VAX1: variants seen among roughly 807,000 people sequenced by gnomAD.
The protein encoded by VAX1 is ventral anterior homeobox 1.
In VAX1, 6 loss-of-function variants were observed where a neutral mutation model predicts 17.6. The ratio of observed to expected loss-of-function variants is 0.34; its 90% CI spans 0.19 to 0.67. The LOEUF is 0.67. Among genes scored for constraint, VAX1 ranks in the 30% least tolerant of loss-of-function variants. VAX1 has a pLI of 0.69. For synonymous variants in VAX1, 256 were observed against 227.4 expected, an observed-to-expected ratio of 1.13 and a Z score of -1.13; for missense variants, 408 against 463.7, an observed-to-expected ratio of 0.88 and a Z score of 1.10.
rs754493198 is a variant in VAX1, at chr10:117,134,449, C to A, written c.564G>T (p.Leu188Phe). 1 of 1,510,502 alleles carries A rather than the reference C, an allele frequency of 6.6e-7. No individual in the cohort carries two copies. The highest frequency in any genetic ancestry group is 1.2e-5 in the South Asian group (1 of 81,848). 93.6% of individuals were successfully genotyped at this position (1,510,502 alleles called of 1,614,324 possible). The stretch of plus-strand genomic sequence containing the variant: ...GCAGCGCAGGCAGGCCGGGCGGCGA[C>A]AACAGGCGGCCCTGCTCCAGCAGCC... ...VLRLLEQGRLLSPPGLPALLP... is the reference protein window; with the variant it reads ...VLRLLEQGRLFSPPGLPALLP... Residue 188 changes from leucine to phenylalanine, a missense_variant, in exon 3 of 3, where the codon TTG becomes TTT. Leu to Phe is a conservative substitution (Grantham distance 22). Coordinates refer to ENST00000369206, the MANE Select transcript of VAX1 (RefSeq NM_001112704.2). The surrounding 1 kb of genome is among the most constrained non-coding windows in gnomAD (Gnocchi z 6.2).
rs751232 is a variant in VAX1, at chr10:117,137,100, G to T, written c.242-441C>A. On this transcript the variant is annotated intron_variant, in intron 1 of 2. Transcript: ENST00000369206. This position sits in a 1 kb window ranked among gnomAD's most constrained non-coding sequence, Gnocchi z 7.4. ...CCCACCCTCGAGTCTCCTTCCCTCCGGAGTCCGCGCGGCGGAAGGAGGAGG... is the reference window on the plus strand; with the variant it reads ...CCCACCCTCGAGTCTCCTTCCCTCCTGAGTCCGCGCGGCGGAAGGAGGAGG... Among the ~76,000 whole-genome samples the T allele has an allele frequency of 6.8e-6, 1 of 146,356 alleles. No homozygotes were observed. Among genetic ancestry groups the T allele is most frequent in the South Asian group, 2.2e-4 (1 of 4,490 alleles).
Position 117,136,651 on chromosome 10 carries a change from C to T in VAX1, c.250G>A (p.Gly84Arg). 6.2e-7 allele frequency: 1 copy of T among 1,603,626 alleles called. No individual in the cohort carries two copies. Among genetic ancestry groups the T allele is most frequent in the Non-Finnish European group, 8.5e-7 (1 of 1,171,968 alleles). ...GGCAGGATGATCTCTCGGATGGACC[C>T]CTTGGCATCTGGGGAAGGGGAGATG... ...CRRILVRDAK[G>R]SIREIILPKG... Residue 84 changes from glycine (G) to arginine (R), a missense_variant, in exon 2 of 3, where the codon GGG (glycine) becomes AGG (arginine). Transcript: ENST00000369206. The surrounding 1 kb of genome is among the most constrained non-coding windows in gnomAD (Gnocchi z 5.0).
At chr10:117,133,026 C>A (rs1292567567), downstream of VAX1, among the ~76,000 whole-genome samples, 2 of 152,234 alleles carry the variant, frequency 1.3e-5, no homozygotes, top group African/African-American at 4.8e-5. Flanking sequence ...CGCAGGCTAC[C>A]GCCGGCAGCC....
chr10:117,138,244 C>A lies in VAX1; in HGVS notation c.-188G>T. The A allele has an allele frequency of 1.4e-6, 1 of 732,838 alleles. No homozygotes were observed. Among genetic ancestry groups the A allele is most frequent in the Non-Finnish European group, 2.2e-6 (1 of 459,788 alleles). The allele number at this position is 732,838 out of a possible 1,614,324, so 45.4% of individuals were successfully genotyped here. On this transcript the variant is annotated 5_prime_UTR_variant, in exon 1 of 3. Coordinates refer to ENST00000369206, the MANE Select transcript of VAX1 (RefSeq NM_001112704.2). ...CCCCGCGGGGAGGCTTCGGCGGCCGCGCGCGGGTCAGCGGCGACGGGAGAG... is the reference window on the plus strand; with the variant it reads ...CCCCGCGGGGAGGCTTCGGCGGCCGAGCGCGGGTCAGCGGCGACGGGAGAG...
rs943944711 is a variant in VAX1, at chr10:117,137,310, G to A, written c.241+506C>T. Among the ~76,000 whole-genome samples the A allele has an allele frequency of 5.9e-5, 9 of 152,168 alleles. No homozygotes were observed. Among genetic ancestry groups the A allele is most frequent in the Middle Eastern group, 3.4e-3 (1 of 292 alleles). ...CCAAGCCCAGCTGCCTCTCCCGGCGGCAGCGGTCGGGCACCGATCGCGGCC... is the reference window on the plus strand; with the variant it reads ...CCAAGCCCAGCTGCCTCTCCCGGCGACAGCGGTCGGGCACCGATCGCGGCC... On this transcript the variant is annotated intron_variant, in intron 1 of 2. Coordinates refer to ENST00000369206, the MANE Select transcript of VAX1 (RefSeq NM_001112704.2). This position sits in a 1 kb window ranked among gnomAD's most constrained non-coding sequence, Gnocchi z 7.4.
Position 117,137,766 on chromosome 10 carries a change from C to A in VAX1, c.241+50G>T. The A allele has an allele frequency of 6.2e-7, 1 of 1,606,922 alleles. No homozygotes were observed. The highest frequency in any genetic ancestry group is 8.5e-7 in the Non-Finnish European group (1 of 1,179,466). On this transcript the variant is annotated intron_variant, in intron 1 of 2. Coordinates refer to ENST00000369206, the MANE Select transcript of VAX1 (RefSeq NM_001112704.2). This position sits in a 1 kb window ranked among gnomAD's most constrained non-coding sequence, Gnocchi z 7.4. ...TGTCGGCGGCAGCGCGCAGCTCCGG[C>A]CCCGGAGTCGACCCCAAAGAACGCG...
rs1589945782 is a variant in VAX1, at chr10:117,133,588, A to G, written c.*420T>C. 2 of 987,822 alleles carry G rather than the reference A, an allele frequency of 2.0e-6. No homozygotes were observed. Among genetic ancestry groups the G allele is most frequent in the Middle Eastern group, 5.2e-4 (1 of 1,928 alleles). 61.2% of individuals were successfully genotyped at this position (987,822 alleles called of 1,614,324 possible). ...CTGGAAGCCCCTGGGGTCTGCGCGC[A>G]GTTTTCCTCTTTCAAATATTCCTAG... is the stretch of plus-strand genomic sequence containing the variant. On this transcript the variant is annotated 3_prime_UTR_variant, in exon 3 of 3. Coordinates refer to ENST00000369206, the MANE Select transcript of VAX1 (RefSeq NM_001112704.2).
At chr10:117,132,499 A>G (rs757063693), downstream of VAX1, 1 of 1,590,450 alleles carries the variant, frequency 6.3e-7, no homozygotes, top group Non-Finnish European at 8.5e-7. This position sits in a 1 kb window ranked among gnomAD's most constrained non-coding sequence, Gnocchi z 4.9. Context: ...AAAAAGATGA[A>G]AAAGAGGGGG....
chr10:117,137,969 G>T lies in VAX1; in HGVS notation c.88C>A (p.Arg30=), dbSNP rs765641390. 5.0e-6 allele frequency: 8 copies of T among 1,613,764 alleles called. No individual in the cohort carries two copies. The highest frequency in any genetic ancestry group is 6.8e-6 in the Non-Finnish European group (8 of 1,179,968). Residue 30 remains arginine (R), a synonymous_variant, in exon 1 of 3, where the codon CGG becomes AGG. Transcript: ENST00000369206. The surrounding 1 kb of genome is among the most constrained non-coding windows in gnomAD (Gnocchi z 7.4). The part of the protein sequence containing the change: ...RVSKNAHKES[R]ESKGAEGNLP... The stretch of plus-strand genomic sequence containing the variant: ...TTCCCCTCCGCGCCCTTGCTCTCCC[G>T]ACTCTCCTTGTGCGCGTTCTTCGAG...
rs1464198347 is a variant in VAX1, at chr10:117,136,116, G to T, written c.429+356C>A. ...GGGCCTAGAAATCTAGCCAAAATGGGGTACCCCAAACAAGGGCAAAAGTCA... is the reference window on the plus strand; with the variant it reads ...GGGCCTAGAAATCTAGCCAAAATGGTGTACCCCAAACAAGGGCAAAAGTCA... On this transcript the variant is annotated intron_variant, in intron 2 of 2. Transcript: ENST00000369206. This position sits in a 1 kb window ranked among gnomAD's most constrained non-coding sequence, Gnocchi z 5.0. 6.6e-6 allele frequency among the ~76,000 whole-genome samples: 1 copy of T among 152,254 alleles called. No homozygotes were observed.
At position 117,134,391 on chromosome 10, in the gene VAX1, C is replaced by A. The variant is rs1337775304; in HGVS notation, c.622G>T (p.Ala208Ser). The stretch of plus-strand genomic sequence containing the variant: ...GCCGGCAAGCTGGGCCCGCGCAGCG[C>A]TGAGCCGAGAGCGCCCGTGGCGCAA... ...PPCATGALGSALRGPSLPALG... is the reference protein window; with the variant it reads ...PPCATGALGSSLRGPSLPALG... Residue 208 changes from alanine to serine, a missense_variant, in exon 3 of 3, where the codon GCG becomes TCG. Physicochemically the swap from Ala to Ser is moderately conservative, Grantham distance 99. Transcript: ENST00000369206. This position sits in a 1 kb window ranked among gnomAD's most constrained non-coding sequence, Gnocchi z 6.2. The A allele has an allele frequency of 6.9e-7, 1 of 1,447,046 alleles. No individual in the cohort carries two copies. Among genetic ancestry groups the A allele is most frequent in the South Asian group, 1.4e-5 (1 of 73,340 alleles). The allele number at this position is 1,447,046 out of a possible 1,614,324, so 89.6% of individuals were successfully genotyped here.
At chr10:117,130,782 G>A (rs1010838463), downstream of VAX1, 1 of 152,392 alleles carries the variant, frequency 6.6e-6, no homozygotes, top group Admixed American at 6.5e-5. Flanking sequence ...CACTCCCTGA[G>A]TGGCAGGCAA....
rs533247875 is a variant in VAX1 at position 117,133,914 on chromosome 10, C to A, written c.*94G>T. The A allele has an allele frequency of 7.0e-7, 1 of 1,424,012 alleles. No homozygotes were observed. Among genetic ancestry groups the A allele is most frequent in the Non-Finnish European group, 9.1e-7 (1 of 1,095,762 alleles). The allele number at this position is 1,424,012 out of a possible 1,614,324, so 88.2% of individuals were successfully genotyped here. Reference sequence around the variant, plus strand: ...TCAGAGGCCTGGTGGGAGCCAGGAGCCCAGCGCAGGAGCTCTGGGCACCTA... The same window carrying A: ...TCAGAGGCCTGGTGGGAGCCAGGAGACCAGCGCAGGAGCTCTGGGCACCTA... On this transcript the variant is annotated 3_prime_UTR_variant, in exon 3 of 3. Transcript: ENST00000369206.
downstream of VAX1, chr10:117,132,527 T>C: frequency 6.4e-7 from 1 of 1,568,458 alleles, no homozygotes; most frequent in Non-Finnish European, 8.6e-7. This position sits in a 1 kb window ranked among gnomAD's most constrained non-coding sequence, Gnocchi z 4.9. Context: ...CCGACGTAAA[T>C]AATTTACAAT....
At position 117,133,784 on chromosome 10, in the gene VAX1, G is replaced by A; in HGVS notation, c.*224C>T. On this transcript the variant is annotated 3_prime_UTR_variant, in exon 3 of 3. Coordinates refer to ENST00000369206, the MANE Select transcript of VAX1 (RefSeq NM_001112704.2). ...CTTTGGATCGCTCCTGGATTCAGAA[G>A]GAAGTTGGGGGTTGGGGAGGAATCT... 2 of 1,308,916 alleles carry A rather than the reference G, an allele frequency of 1.5e-6. No homozygotes were observed. The highest frequency in any genetic ancestry group is 2.1e-5 in the South Asian group (1 of 47,608). 81.1% of individuals were successfully genotyped at this position (1,308,916 alleles called of 1,614,324 possible). A position where few individuals can be genotyped will look rare whatever the true frequency, so the allele number is the denominator to read the frequency against.
In VAX1 at chr10:117,137,905, A is replaced by C. The variant is rs1854213936; in HGVS notation, c.152T>G (p.Phe51Cys). Residue 51 changes from phenylalanine to cysteine, a missense_variant, in exon 1 of 3, where the codon TTC becomes TGC. Coordinates refer to ENST00000369206, the MANE Select transcript of VAX1 (RefSeq NM_001112704.2). This position sits in a 1 kb window ranked among gnomAD's most constrained non-coding sequence, Gnocchi z 7.4. ...AAFLKEPQGA[F>C]SASGAAEDCN... ...ATCCTCAGCAGCGCCCGACGCTGAG[A>C]AGGCGCCCTGCGGCTCCTTGAGGAA... The C allele has an allele frequency of 1.2e-6, 2 of 1,613,856 alleles. No homozygotes were observed. Among genetic ancestry groups the C allele is most frequent in the Middle Eastern group, 1.7e-4 (1 of 6,060 alleles).
rs1854121065 is a variant in VAX1, at chr10:117,133,618, A to C, written c.*390T>G. On this transcript the variant is annotated 3_prime_UTR_variant, in exon 3 of 3. Transcript: ENST00000369206. ...TCCTCTTTCAAATATTCCTAGGAAT[A>C]GTCGGCAGCGGCAGCAGCCGCAGCA... 1.0e-6 allele frequency: 1 copy of C among 992,228 alleles called. No homozygotes were observed. Among genetic ancestry groups the C allele is most frequent in the Middle Eastern group, 5.1e-4 (1 of 1,946 alleles). The allele number at this position is 992,228 out of a possible 1,614,324, so 61.5% of individuals were successfully genotyped here.
In VAX1 at chr10:117,137,665, C is replaced by G; in HGVS notation, c.241+151G>C. The stretch of plus-strand genomic sequence containing the variant: ...GCACCGGAGAGTCCCAGGCGCTTGT[C>G]CCCAGCCGGACTCGGGGCGGGGAGG... On this transcript the variant is annotated intron_variant, in intron 1 of 2. Transcript: ENST00000369206. The surrounding 1 kb of genome is among the most constrained non-coding windows in gnomAD (Gnocchi z 7.4). 1 of 1,518,642 alleles carries G rather than the reference C, an allele frequency of 6.6e-7. No individual in the cohort carries two copies. The highest frequency in any genetic ancestry group is 1.2e-5 in the South Asian group (1 of 82,394). 94.1% of individuals were successfully genotyped at this position (1,518,642 alleles called of 1,614,324 possible).
chr10:117,133,404 G>T lies in VAX1; in HGVS notation c.*604C>A. On this transcript the variant is annotated 3_prime_UTR_variant, in exon 3 of 3. Coordinates refer to ENST00000369206, the MANE Select transcript of VAX1 (RefSeq NM_001112704.2). ...GTCGGGGGTGGTTGTGATTGGAGTTGCCCTAAAGGGGAGAAAAACCGCAGG... is the reference window on the plus strand; with the variant it reads ...GTCGGGGGTGGTTGTGATTGGAGTTTCCCTAAAGGGGAGAAAAACCGCAGG... 2.0e-6 allele frequency: 2 copies of T among 985,618 alleles called. No individual in the cohort carries two copies. The highest frequency in any genetic ancestry group is 2.4e-6 in the Non-Finnish European group (2 of 830,112). The allele number at this position is 985,618 out of a possible 1,614,324, so 61.1% of individuals were successfully genotyped here.
Sources: gnomAD v4.1 joint callset for allele counts (sites outside exome capture counted in the v4.1 genomes callset) on GRCh38, gnomAD v4.1.1 for gene constraint, Gnocchi (gnomAD v3.1) non-coding constraint, MANE v1.5 for transcripts, NCBI Gene and HGNC (gene_info 2026-07-23, HGNC 2026-07-21) for gene names.